The following GDF6 variants were observed in gnomAD, a reference collection of about 807,000 sequenced individuals.
GDF6 encodes the protein growth differentiation factor 6.
A neutral mutation model predicts 32.4 loss-of-function variants in GDF6; 3 were observed. The ratio of observed to expected loss-of-function variants is 0.09; its 90% CI spans 0.04 to 0.24. The LOEUF is 0.24. Ranked by LOEUF, GDF6 falls within the 10% of genes least tolerant of loss-of-function variation. The probability of loss-of-function intolerance (pLI) is 1.00; values close to 1 mark genes in which losing one functional copy is unlikely to be tolerated. For synonymous variants in GDF6, 296 were observed against 295.3 expected, an observed-to-expected ratio of 1.00 and a Z score of -0.03; for missense variants, 589 against 637.9, an observed-to-expected ratio of 0.92 and a Z score of 0.83.
In GDF6 at chr8:96,145,246, G is replaced by A. The variant is rs1225508146; in HGVS notation, c.685C>T (p.Leu229=). The A allele has an allele frequency of 1.3e-6, 2 of 1,524,978 alleles. No individual in the cohort carries two copies. The highest frequency in any genetic ancestry group is 1.2e-5 in the South Asian group (1 of 83,120). 94.5% of individuals were successfully genotyped at this position (1,524,978 alleles called of 1,614,324 possible). A position where few individuals can be genotyped will look rare whatever the true frequency, so the allele number is the denominator to read the frequency against. ...CATGCGGCCCGCAGCTCCAAGCACA[G>A]CTGCTTCCAGGGCTGGTGGCGCAGG... ...QGLRHQPWKQ[L]CLELRAAWGE... The change falls in exon 2 of 2, where the codon CTG becomes TTG. Residue 229 remains leucine, a synonymous_variant. Coordinates refer to ENST00000287020, the MANE Select transcript of GDF6 (RefSeq NM_001001557.4). This position sits in a 1 kb window ranked among gnomAD's most constrained non-coding sequence, Gnocchi z 5.6.
Position 96,145,203 on chromosome 8 carries a change from C to T in GDF6, c.728G>A (p.Gly243Glu). The change falls in exon 2 of 2, where the codon GGG becomes GAG. Residue 243 changes from glycine (G) to glutamate (E), a missense_variant. By Grantham distance (98) the Gly-to-Glu change is moderately conservative. This residue lies in a region of GDF6 where 436 missense variants were observed against 411.2 expected (regional missense o/e 1.06). Transcript: ENST00000287020. This position sits in a 1 kb window ranked among gnomAD's most constrained non-coding sequence, Gnocchi z 5.6. ...LRAAWGELDA[G>E]EAEARARGPQ... is the part of the protein sequence containing the mutation. ...TCCCCGCGCGCGCGCCTCGGCCTCC[C>T]CGGCGTCCAGCTCGCCCCATGCGGC... is the stretch of plus-strand genomic sequence containing the variant. The T allele has an allele frequency of 6.7e-7, 1 of 1,502,482 alleles. No homozygotes were observed. The highest frequency in any genetic ancestry group is 1.4e-5 in the African/African-American group (1 of 69,058). 93.1% of individuals were successfully genotyped at this position (1,502,482 alleles called of 1,614,324 possible).
Position 96,144,710 on chromosome 8 carries a change from C to A in GDF6, c.1221G>T (p.Met407Ile). Residue 407 changes from methionine to isoleucine, a missense_variant, in exon 2 of 2, where the codon ATG becomes ATT. Met to Ile is a conservative substitution (Grantham distance 10). Transcript: ENST00000287020. The surrounding 1 kb of genome is among the most constrained non-coding windows in gnomAD (Gnocchi z 5.1). ...PTNHAIIQTL[M>I]NSMDPGSTPP... is the part of the protein sequence containing the mutation. ...GGGTGGAGCCGGGGTCCATGGAGTT[C>A]ATCAGCGTCTGGATGATGGCGTGGT... 6.2e-7 allele frequency: 1 copy of A among 1,614,140 alleles called. No individual in the cohort carries two copies. Among genetic ancestry groups the A allele is most frequent in the Non-Finnish European group, 8.5e-7 (1 of 1,180,028 alleles).
chr8:96,158,270 C>A (rs1240882864), intron 1 of GDF6, among the ~76,000 whole-genome samples: 1 of 152,198 alleles, frequency 6.6e-6, no homozygotes, highest in Non-Finnish European at 1.5e-5. Context: ...CACATGCAAT[C>A]CCTCCTCTAT....
rs1370445465 is a variant in GDF6 at position 96,144,289 on chromosome 8, A to AGAGAGAGAGAGAGAGAGAGAGG, written c.*273_*274insCCTCTCTCTCTCTCTCTCTCTC. ...GAGAGAGAGAGAGAGAGAGAGAGAG[A>AGAGAGAGAGAGAGAGAGAGAGG]GAAAACAGAACAAAAGAAATCCTCC... On this transcript the variant is annotated 3_prime_UTR_variant, in exon 2 of 2. Coordinates refer to ENST00000287020, the MANE Select transcript of GDF6 (RefSeq NM_001001557.4). The surrounding 1 kb of genome is among the most constrained non-coding windows in gnomAD (Gnocchi z 5.1). The AGAGAGAGAGAGAGAGAGAGAGG allele has an allele frequency of 6.1e-6, 3 of 495,602 alleles. No individual in the cohort carries two copies. In the African/African-American group the frequency reaches 7.1e-5, roughly 12 times the overall value. The allele number at this position is 495,602 out of a possible 1,614,324, so 30.7% of individuals were successfully genotyped here.
At chr8:96,157,250 G>A (rs1180594038) in intron 1 of GDF6, among the ~76,000 whole-genome samples, 1 of 152,064 alleles carries the variant, frequency 6.6e-6, no homozygotes, top group Non-Finnish European at 1.5e-5. Context: ...TTCTCCTCCT[G>A]GAGGATAGGG....
intron 1 of GDF6, among the ~76,000 whole-genome samples, chr8:96,149,285 T>G (rs570253538): frequency 3.2e-4 from 48 of 152,332 alleles, no homozygotes; most frequent in African/African-American, 1.0e-3. Context: ...AAATACATGG[T>G]GGGAGTTTTT....
chr8:96,145,670 C>G lies in GDF6; in HGVS notation c.407-146G>C. On this transcript the variant is annotated intron_variant, in intron 1 of 1. Coordinates refer to ENST00000287020, the MANE Select transcript of GDF6 (RefSeq NM_001001557.4). This position sits in a 1 kb window ranked among gnomAD's most constrained non-coding sequence, Gnocchi z 5.6. ...TTGCCCGGCCCAGGGCCTGACCACC[C>G]CGGCTCCCCATCTGGCTGGTGCATG... 1 of 923,862 alleles carries G rather than the reference C, an allele frequency of 1.1e-6. No individual in the cohort carries two copies. The highest frequency in any genetic ancestry group is 1.6e-6 in the Non-Finnish European group (1 of 606,338). The allele number at this position is 923,862 out of a possible 1,614,324, so 57.2% of individuals were successfully genotyped here. A position where few individuals can be genotyped will look rare whatever the true frequency, so the allele number is the denominator to read the frequency against.
At chr8:96,153,636 G>C (rs1586122648) in intron 1 of GDF6, among the ~76,000 whole-genome samples, 1 of 152,218 alleles carries the variant, frequency 6.6e-6, no homozygotes, top group African/African-American at 2.4e-5. Context: ...CATCGGAGCT[G>C]GAATATGATC....
intron 1 of GDF6, among the ~76,000 whole-genome samples, chr8:96,155,713 A>G (rs1376726145): frequency 6.6e-6 from 1 of 152,232 alleles, no homozygotes; most frequent in African/African-American, 2.4e-5. Flanking sequence ...TCTGGTCTGC[A>G]TTAGTGTTTT....
At chr8:96,146,553 G>A (rs1413742100) in intron 1 of GDF6, among the ~76,000 whole-genome samples, 1 of 151,906 alleles carries the variant, frequency 6.6e-6, no homozygotes, top group East Asian at 1.9e-4. Context: ...GGGGGCAGGG[G>A]GTGACAAATG....
At chr8:96,146,355 A>C (rs1812485728) in intron 1 of GDF6, among the ~76,000 whole-genome samples, 1 of 147,938 alleles carries the variant, frequency 6.8e-6, no homozygotes, top group Non-Finnish European at 1.5e-5. Context: ...TTTTTTTTTA[A>C]CTCCAAGATG....
intron 1 of GDF6, among the ~76,000 whole-genome samples, chr8:96,155,192 G>A (rs767439721): frequency 6.6e-6 from 1 of 152,260 alleles, no homozygotes; most frequent in Non-Finnish European, 1.5e-5. Context: ...CTCCCGCGTT[G>A]AGGAAAACGC....
intron 1 of GDF6, among the ~76,000 whole-genome samples, chr8:96,157,851 C>A (rs1183974488): frequency 6.6e-6 from 1 of 152,144 alleles, no homozygotes. Context: ...CCCGGAAGGT[C>A]CAGCCTGAGG....
chr8:96,152,775 G>A (rs929817447), intron 1 of GDF6, among the ~76,000 whole-genome samples: 33 of 151,982 alleles, frequency 2.2e-4, no homozygotes, highest in African/African-American at 8.0e-4. Flanking sequence ...GACCAGAGGG[G>A]TCCAAGGCAA....
intron 1 of GDF6, among the ~76,000 whole-genome samples, chr8:96,146,797 A>G (rs1812493436): frequency 6.6e-6 from 1 of 152,190 alleles, no homozygotes; most frequent in South Asian, 2.1e-4. Context: ...ATTCCTGAAG[A>G]TAAAAGTTTT....
rs1350429284 is a variant in GDF6, at chr8:96,160,724, C to G, written c.-32G>C. On this transcript the variant is annotated 5_prime_UTR_variant, in exon 1 of 2. Transcript: ENST00000287020. ...CAAGTGGCTGCGTCTCCCCAGGAGG[C>G]GGTGGCGGCGGCGCAGGACGCGCGG... is the stretch of plus-strand genomic sequence containing the variant. 6.2e-7 allele frequency: 1 copy of G among 1,609,104 alleles called. No individual in the cohort carries two copies. Among genetic ancestry groups the G allele is most frequent in the East Asian group, 2.2e-5 (1 of 44,644 alleles).
chr8:96,160,684 A>G lies in GDF6; in HGVS notation c.9T>C (p.Thr3=), dbSNP rs1287589527. 6.2e-7 allele frequency: 1 copy of G among 1,613,444 alleles called. No homozygotes were observed. The highest frequency in any genetic ancestry group is 2.2e-5 in the East Asian group (1 of 44,814). ...AGACGGCCGAGAGCAGGACCCTGGG[A>G]GTATCCATGGCGGGCAAGTGGCTGC... The part of the protein sequence containing the change: MD[T]PRVLLSAVFL... The change falls in exon 1 of 2, where the codon ACT becomes ACC. Residue 3 remains threonine (T), a synonymous_variant. Coordinates refer to ENST00000287020, the MANE Select transcript of GDF6 (RefSeq NM_001001557.4).
At chr8:96,148,924 A>G (rs1444813466) in intron 1 of GDF6, among the ~76,000 whole-genome samples, 1 of 152,172 alleles carries the variant, frequency 6.6e-6, no homozygotes, top group East Asian at 1.9e-4. Flanking sequence ...ACCTGTCTAA[A>G]CCTGCATCAC....
intron 1 of GDF6, among the ~76,000 whole-genome samples, chr8:96,157,775 G>A (rs542995221): frequency 1.3e-5 from 2 of 152,194 alleles, no homozygotes; most frequent in Admixed American, 6.5e-5. Context: ...GATGTGTTAT[G>A]ACATGAACCC....
Sources: gnomAD v4.1 joint callset for allele counts (sites outside exome capture counted in the v4.1 genomes callset) on GRCh38, gnomAD v4.1.1 for gene constraint, gnomAD v4.1.1 regional missense constraint, Gnocchi (gnomAD v3.1) non-coding constraint, MANE v1.5 for transcripts, NCBI Gene and HGNC (gene_info 2026-07-23, HGNC 2026-07-21) for gene names.